CDH13: variants seen among roughly 807,000 people sequenced by gnomAD.
The protein encoded by CDH13 is cadherin-13.
In CDH13, 24 loss-of-function variants were observed where a neutral mutation model predicts 63.8. That is an observed-to-expected ratio of 0.38 (90% CI 0.27 to 0.53). The LOEUF (loss-of-function observed/expected upper bound fraction) is 0.53. Ranked by LOEUF, CDH13 falls within the 20% of genes least tolerant of loss-of-function variation. CDH13 has a pLI of 0.85. For synonymous variants in CDH13, 503 were observed against 355.3 expected (o/e 1.42, Z -4.67); for missense variants, 1,049 against 903.1 (o/e 1.16, Z -2.07).
At chr16:83,776,687 TCTC>T (rs1189136243) in intron 11 of CDH13, among the ~76,000 whole-genome samples, 1 of 152,130 alleles carries the variant, frequency 6.6e-6, no homozygotes, top group Non-Finnish European at 1.5e-5. Flanking sequence ...CCAGTAACAT[TCTC>T]CTTACAAAAT....
chr16:83,663,232 G>A (rs930267960), intron 8 of CDH13, among the ~76,000 whole-genome samples: 2 of 152,166 alleles, frequency 1.3e-5, no homozygotes, highest in Admixed American at 1.3e-4. Flanking sequence ...AGGATCACAT[G>A]ATACAAAATG....
chr16:82,770,954 A>T (rs149493901), intron 1 of CDH13, among the ~76,000 whole-genome samples: 1 of 152,128 alleles, frequency 6.6e-6, no homozygotes, highest in Non-Finnish European at 1.5e-5. Flanking sequence ...AGCTCAGGCA[A>T]TCCCCCCGCT....
At chr16:83,098,698 A>G (rs923007627) in intron 3 of CDH13, among the ~76,000 whole-genome samples, 3 of 152,186 alleles carry the variant, frequency 2.0e-5, no homozygotes, top group Non-Finnish European at 2.9e-5. Context: ...TCTGACTTGC[A>G]TTGTTGCTAA....
chr16:83,424,524 G>T (rs2071827035), intron 6 of CDH13, among the ~76,000 whole-genome samples: 1 of 152,106 alleles, frequency 6.6e-6, no homozygotes, highest in Non-Finnish European at 1.5e-5. Context: ...AGCTGCTGTG[G>T]TAAGAGGTAA....
intron 5 of CDH13, among the ~76,000 whole-genome samples, chr16:83,230,131 GC>G (rs1234869063): frequency 6.6e-5 from 10 of 152,252 alleles, no homozygotes; most frequent in African/African-American, 2.4e-4. Context: ...TGGGCAGCTG[GC>G]ATTTCACAAT....
intron 2 of CDH13, among the ~76,000 whole-genome samples, chr16:83,028,426 T>C (rs1916014648): frequency 6.6e-6 from 1 of 152,160 alleles, no homozygotes; most frequent in East Asian, 1.9e-4. Flanking sequence ...CTTAGAACCT[T>C]TGCAGAGCGA....
intron 4 of CDH13, among the ~76,000 whole-genome samples, chr16:83,188,595 A>G (rs141973121): frequency 2.7e-4 from 41 of 152,224 alleles, no homozygotes; most frequent in African/African-American, 9.1e-4. Flanking sequence ...CTGGCTCCCA[A>G]ACCTGTCCTT....
At chr16:82,743,277 A>G (rs1051452314) in intron 1 of CDH13, among the ~76,000 whole-genome samples, 1 of 152,096 alleles carries the variant, frequency 6.6e-6, no homozygotes, top group Admixed American at 6.6e-5. Flanking sequence ...CCCAGGCTGG[A>G]GCGCGGTGGC....
At position 83,630,350 on chromosome 16, in the gene CDH13, C is replaced by T. The variant is rs564970218; in HGVS notation, c.1101+27756C>T. ...GCCAAGGTTAAGGACATACCCATAA[C>T]GCAGCCTCAGGAGGTCCTGATGACA... On this transcript the variant is annotated intron_variant, in intron 8 of 13. Coordinates refer to ENST00000567109, the MANE Select transcript of CDH13 (RefSeq NM_001257.5). Among the ~76,000 whole-genome samples the T allele has an allele frequency of 1.1e-4, 16 of 152,296 alleles. No homozygotes were observed. In the South Asian group the frequency reaches 2.3e-3, roughly 22 times the overall value.
chr16:83,213,722 C>T (rs1333767580), intron 4 of CDH13, among the ~76,000 whole-genome samples: 1 of 152,142 alleles, frequency 6.6e-6, no homozygotes, highest in Non-Finnish European at 1.5e-5. Context: ...AGTTTTAATC[C>T]ATATTTGGGC....
At chr16:83,066,442 G>A (rs2032017282) in intron 3 of CDH13, among the ~76,000 whole-genome samples, 1 of 152,152 alleles carries the variant, frequency 6.6e-6, no homozygotes, top group African/African-American at 2.4e-5. Context: ...AACCAAGCTG[G>A]GAGGCCTTCT....
At chr16:83,325,711 C>A (rs185388607) in intron 5 of CDH13, among the ~76,000 whole-genome samples, 6 of 152,242 alleles carry the variant, frequency 3.9e-5, no homozygotes, top group Non-Finnish European at 8.8e-5. Context: ...TCCCCAGAAT[C>A]CCATATTTCC....
chr16:83,458,630 T>C (rs919459457), intron 6 of CDH13, among the ~76,000 whole-genome samples: 4 of 152,242 alleles, frequency 2.6e-5, no homozygotes, highest in Admixed American at 1.3e-4. Flanking sequence ...CCTTGTAACT[T>C]ATTTACTGAT....
intron 2 of CDH13, among the ~76,000 whole-genome samples, chr16:82,956,097 CT>C (rs1022471682): frequency 4.7e-4 from 71 of 151,970 alleles, no homozygotes; most frequent in Admixed American, 2.4e-3. Context: ...CAGCCCCAGA[CT>C]TTTTTTTCCA....
At chr16:83,739,650 G>C (rs1231661575) in intron 10 of CDH13, among the ~76,000 whole-genome samples, 3 of 152,190 alleles carry the variant, frequency 2.0e-5, no homozygotes, top group Non-Finnish European at 2.9e-5. Context: ...GCATAGAAGT[G>C]GGAGTTTGGC....
chr16:83,781,787 G>A (rs953374473), intron 12 of CDH13, among the ~76,000 whole-genome samples: 1 of 151,312 alleles, frequency 6.6e-6, no homozygotes, highest in Non-Finnish European at 1.5e-5. Context: ...GTGCAGAGGG[G>A]GGTGAGCATC....
chr16:82,967,754 C>T (rs1054650633), intron 2 of CDH13, among the ~76,000 whole-genome samples: 3 of 152,212 alleles, frequency 2.0e-5, no homozygotes, highest in Non-Finnish European at 4.4e-5. Flanking sequence ...TGCTTTGTAT[C>T]AGGCAGCATG....
At chr16:83,783,115 A>G (rs1183318895) in intron 12 of CDH13, 139 bp from the exon 13 acceptor site, 8 of 650,210 alleles carry the variant, frequency 1.2e-5, no homozygotes, top group Admixed American at 7.4e-5. Context: ...CTTGATGTTA[A>G]TGAATTTAAA....
intron 10 of CDH13, among the ~76,000 whole-genome samples, chr16:83,703,899 C>A (rs1308090137): frequency 1.3e-5 from 2 of 152,140 alleles, no homozygotes; most frequent in African/African-American, 2.4e-5. Context: ...TTTCAGCCAC[C>A]GTAACATCCA....
Sources: gnomAD v4.1 joint callset for allele counts (sites outside exome capture counted in the v4.1 genomes callset) on GRCh38, gnomAD v4.1.1 for gene constraint, MANE v1.5 for transcripts, NCBI Gene and HGNC (gene_info 2026-07-23, HGNC 2026-07-21) for gene names.